Variants in CNTN3 observed in about 807,000 individuals in gnomAD.
CNTN3 encodes the protein contactin 3, also known as contactin-3.
CNTN3 carries 60 observed loss-of-function variants against 119.1 expected under a neutral mutation model. That is an observed-to-expected ratio of 0.50 (90% CI 0.41 to 0.62). The LOEUF (loss-of-function observed/expected upper bound fraction) is 0.62. CNTN3 is among the 20% of genes least tolerant of loss of function. The probability of loss-of-function intolerance (pLI) is 0.00; values close to 1 mark genes in which losing one functional copy is unlikely to be tolerated. For missense variants in CNTN3, 1,101 were observed against 1,242.4 expected (o/e 0.89, Z 1.71); for synonymous variants, 450 against 438.7 (o/e 1.03, Z -0.32).
intron 20 of CNTN3, among the ~76,000 whole-genome samples, chr3:74,275,142 A>G (rs780992314): frequency 2.8e-4 from 42 of 152,314 alleles, no homozygotes; most frequent in Middle Eastern, 3.4e-3. Context: ...GTCTCCAAGA[A>G]GTCTGGGATT....
intron 8 of CNTN3, among the ~76,000 whole-genome samples, chr3:74,368,043 G>A (rs929057350): frequency 1.3e-5 from 2 of 151,994 alleles, no homozygotes; most frequent in African/African-American, 4.8e-5. Flanking sequence ...TTGAAACCTG[G>A]GTAAGTTCTG....
At chr3:74,541,244 A>T (rs569061678) in intron 1 of CNTN3, among the ~76,000 whole-genome samples, 1 of 152,292 alleles carries the variant, frequency 6.6e-6, no homozygotes, top group Non-Finnish European at 1.5e-5. Context: ...ACTCTCCTTG[A>T]CACCCATATG....
intron 8 of CNTN3, among the ~76,000 whole-genome samples, chr3:74,366,812 T>C (rs1208265053): frequency 3.0e-4 from 11 of 36,694 alleles, no homozygotes; most frequent in Middle Eastern, 0.015. Context: ...ATATATAACT[T>C]GCTCAGTATG....
At chr3:74,556,116 G>A (rs1704065798) in intron 1 of CNTN3, among the ~76,000 whole-genome samples, 1 of 152,058 alleles carries the variant, frequency 6.6e-6, no homozygotes, top group Non-Finnish European at 1.5e-5. Flanking sequence ...TGGTGATAAT[G>A]CCCACTTTTT....
chr3:74,435,912 A>G (rs984319573), intron 4 of CNTN3, among the ~76,000 whole-genome samples: 1 of 152,014 alleles, frequency 6.6e-6, no homozygotes, highest in African/African-American at 2.4e-5. Flanking sequence ...CCTCCCATCC[A>G]ATCCATCTAT....
At position 74,369,322 on chromosome 3, in the gene CNTN3, G is replaced by T; in HGVS notation, c.813C>A (p.Ser271Arg). The T allele has an allele frequency of 1.9e-6, 3 of 1,609,258 alleles. No individual in the cohort carries two copies. The highest frequency in any genetic ancestry group is 2.2e-5 in the East Asian group (1 of 44,526). Residue 271 changes from serine to arginine, a missense_variant, in exon 8 of 23, where the codon AGC (serine) becomes AGA (arginine). Ser to Arg is a moderately radical substitution (Grantham distance 110, BLOSUM62 -1). Transcript: ENST00000263665. ...WRRSDGLPFS[S>R]KIKLRKFSGV... is the part of the protein sequence containing the mutation. Reference sequence around the variant, plus strand: ...CACTGAACTTCCTTAATTTAATTTTGCTGGAAAATGGCAGCCCATCACTTC... The same window carrying T: ...CACTGAACTTCCTTAATTTAATTTTTCTGGAAAATGGCAGCCCATCACTTC...
At chr3:74,294,336 G>A (rs1401161617) in intron 19 of CNTN3, among the ~76,000 whole-genome samples, 2 of 152,166 alleles carry the variant, frequency 1.3e-5, no homozygotes. Context: ...CAGTTCAAAT[G>A]GTTCTTCTTA....
intron 1 of CNTN3, among the ~76,000 whole-genome samples, chr3:74,561,125 T>A (rs1193923370): frequency 6.6e-6 from 1 of 151,256 alleles, no homozygotes; most frequent in African/African-American, 2.4e-5. Flanking sequence ...TGTATACATA[T>A]GTAACAAACC....
At chr3:74,316,171 C>A (rs1207795015) in intron 13 of CNTN3, among the ~76,000 whole-genome samples, 1 of 151,928 alleles carries the variant, frequency 6.6e-6, no homozygotes, top group Non-Finnish European at 1.5e-5. Flanking sequence ...AGGAAGTGGG[C>A]AAATGACATG....
At chr3:74,412,980 A>G (rs1169803941) in intron 5 of CNTN3, among the ~76,000 whole-genome samples, 1 of 152,230 alleles carries the variant, frequency 6.6e-6, no homozygotes, top group Non-Finnish European at 1.5e-5. Context: ...AACTAAAGAA[A>G]AAATAAGAGA....
chr3:74,319,726 G>C (rs578126969), intron 13 of CNTN3, among the ~76,000 whole-genome samples: 33 of 151,688 alleles, frequency 2.2e-4, no homozygotes, highest in Non-Finnish European at 4.3e-4. Flanking sequence ...AGAGTGAACA[G>C]GCACCCTACA....
chr3:74,387,161 G>A (rs1339518750), intron 5 of CNTN3, among the ~76,000 whole-genome samples: 1 of 152,142 alleles, frequency 6.6e-6, no homozygotes, highest in African/African-American at 2.4e-5. Context: ...GGTGGAAGCT[G>A]CTTTTTAATA....
Position 74,564,021 on chromosome 3 carries a change from G to A in CNTN3, c.-80-42829C>T, listed in dbSNP as rs116022929. ...TGCAATAAGCCCAATGGATAGGAGC[G>A]GTCCCTGCTCGCTGATGATGTTCAT... On this transcript the variant is annotated intron_variant, in intron 1 of 22. Transcript: ENST00000263665. Among the ~76,000 whole-genome samples the A allele has an allele frequency of 4.0e-3, 608 of 152,176 alleles. 1 individual carries two copies. Among genetic ancestry groups the A allele is most frequent in the African/African-American group, 0.013 (553 of 41,510 alleles).
At chr3:74,432,400 A>T (rs1047800611) in intron 4 of CNTN3, among the ~76,000 whole-genome samples, 4 of 152,106 alleles carry the variant, frequency 2.6e-5, no homozygotes, top group African/African-American at 7.2e-5. Flanking sequence ...AAAAAAAAAA[A>T]AATCACAAAA....
At chr3:74,437,113 A>T (rs1030275243) in intron 4 of CNTN3, among the ~76,000 whole-genome samples, 1 of 152,192 alleles carries the variant, frequency 6.6e-6, no homozygotes, top group Non-Finnish European at 1.5e-5. Context: ...TGTACTTAGC[A>T]AAAAGTAAAA....
intron 7 of CNTN3, 29 bp from the exon 8 acceptor site, chr3:74,369,402 T>C: frequency 6.5e-7 from 1 of 1,537,178 alleles, no homozygotes; most frequent in Non-Finnish European, 8.8e-7. Flanking sequence ...AGTTGTCTGC[T>C]ATTGTCTGGA....
chr3:74,518,480 C>T (rs1703488693), intron 2 of CNTN3, among the ~76,000 whole-genome samples: 1 of 151,880 alleles, frequency 6.6e-6, no homozygotes. Context: ...ACAAATACTA[C>T]AGAAGAAATG....
At chr3:74,539,644 T>C (rs1041079421) in intron 1 of CNTN3, among the ~76,000 whole-genome samples, 6 of 152,146 alleles carry the variant, frequency 3.9e-5, no homozygotes, top group African/African-American at 1.4e-4. Context: ...TATCTGTAGA[T>C]GGGATTCCGG....
Position 74,510,980 on chromosome 3 carries a change from C to T in CNTN3, c.55+10078G>A, listed in dbSNP as rs187016182. Among the ~76,000 whole-genome samples, 83 of 152,052 alleles carry T rather than the reference C, an allele frequency of 5.5e-4. 1 individual carries two copies. Among genetic ancestry groups the T allele is most frequent in the South Asian group, 1.2e-3 (6 of 4,816 alleles). ...AAGTTTTTGCAAATCACAAATTCTACAATCATATGATACGTATATGACCTA... is the reference window on the plus strand; with the variant it reads ...AAGTTTTTGCAAATCACAAATTCTATAATCATATGATACGTATATGACCTA... On this transcript the variant is annotated intron_variant, in intron 2 of 22. Coordinates refer to ENST00000263665, the MANE Select transcript of CNTN3 (RefSeq NM_020872.3).
Sources: gnomAD v4.1 joint callset for allele counts (sites outside exome capture counted in the v4.1 genomes callset) on GRCh38, gnomAD v4.1.1 for gene constraint, MANE v1.5 for transcripts, NCBI Gene and HGNC (gene_info 2026-07-23, HGNC 2026-07-21) for gene names.